The following PSD3 variants were observed in gnomAD, a reference collection of about 807,000 sequenced individuals.
PSD3 encodes the protein PH and SEC7 domain-containing protein 3.
Under a neutral mutation model 105.5 loss-of-function variants are expected in PSD3, and 49 were observed. The ratio of observed to expected loss-of-function variants is 0.46; its 90% CI spans 0.37 to 0.59. The LOEUF (loss-of-function observed/expected upper bound fraction) is 0.59. Ranked by LOEUF, PSD3 falls within the 20% of genes least tolerant of loss-of-function variation. PSD3 has a pLI of 0.00. For missense variants in PSD3, 1,561 were observed against 1,263.8 expected (o/e 1.24, Z -3.57); for synonymous variants, 557 against 457.8 (o/e 1.22, Z -2.77).
chr8:18,774,845 T>C (rs1807885900), intron 8 of PSD3: 1 of 455,956 alleles, frequency 2.2e-6, no homozygotes, highest in South Asian at 1.6e-5. Flanking sequence ...CAGGTCTACC[T>C]TCAGGTTGTC....
At position 18,579,822 on chromosome 8, in the gene PSD3, A is replaced by C. The variant is rs568845766; in HGVS notation, c.2482-4537T>G. ...AAGCATATTAAAGACTCCAGTTTTC[A>C]ATGTACTATTTACTTCATGCCTCAT... On this transcript the variant is annotated intron_variant, in intron 12 of 15. Transcript: ENST00000327040. Among the ~76,000 whole-genome samples the C allele has an allele frequency of 5.3e-5, 8 of 152,312 alleles. No homozygotes were observed. In the South Asian group the frequency reaches 1.7e-3, roughly 32 times the overall value.
At chr8:18,840,204 T>TCC (rs1005224062) in intron 4 of PSD3, among the ~76,000 whole-genome samples, 2 of 152,026 alleles carry the variant, frequency 1.3e-5, no homozygotes, top group Non-Finnish European at 2.9e-5. Context: ...CCTGCAAATG[T>TCC]CCCCCCCACA....
intron 1 of PSD3, among the ~76,000 whole-genome samples, chr8:19,059,555 T>C (rs1357644412): frequency 6.6e-6 from 1 of 152,168 alleles, no homozygotes; most frequent in Non-Finnish European, 1.5e-5. Flanking sequence ...AAGTACTTTA[T>C]TGGGTAACAT....
chr8:18,835,885 G>A (rs1340918240), intron 4 of PSD3, among the ~76,000 whole-genome samples: 5 of 152,164 alleles, frequency 3.3e-5, no homozygotes, highest in Non-Finnish European at 5.9e-5. Flanking sequence ...GTAGATGGGG[G>A]GGCGGATCGT....
intron 14 of PSD3, among the ~76,000 whole-genome samples, chr8:18,558,378 C>CA (rs1463684167): frequency 6.6e-6 from 1 of 151,968 alleles, no homozygotes; most frequent in Non-Finnish European, 1.5e-5. Context: ...TATAAAAAGT[C>CA]ATATTGAATG....
chr8:18,584,866 T>A (rs921247058), intron 12 of PSD3, among the ~76,000 whole-genome samples: 1 of 152,178 alleles, frequency 6.6e-6, no homozygotes, highest in Non-Finnish European at 1.5e-5. Flanking sequence ...TATGGCTTAT[T>A]TTTTCATAAA....
At chr8:18,715,098 G>C (rs1290873027) in intron 9 of PSD3, among the ~76,000 whole-genome samples, 2 of 152,162 alleles carry the variant, frequency 1.3e-5, no homozygotes, top group African/African-American at 4.8e-5. Flanking sequence ...CGTGGACACA[G>C]GGAGGGAAAC....
chr8:19,034,451 G>A (rs905822597), intron 1 of PSD3, among the ~76,000 whole-genome samples: 1 of 152,112 alleles, frequency 6.6e-6, no homozygotes, highest in Non-Finnish European at 1.5e-5. Context: ...TCCAGTTTCT[G>A]CTTCATTACT....
At chr8:18,816,264 C>T (rs945218384) in intron 4 of PSD3, among the ~76,000 whole-genome samples, 1 of 152,188 alleles carries the variant, frequency 6.6e-6, no homozygotes, top group African/African-American at 2.4e-5. Flanking sequence ...TCACTTAATG[C>T]CCTTGACCTT....
intron 2 of PSD3, among the ~76,000 whole-genome samples, chr8:18,920,352 T>G (rs767364609): frequency 7.2e-5 from 11 of 152,192 alleles, no homozygotes; most frequent in Non-Finnish European, 1.3e-4. Flanking sequence ...AAAATTAAAA[T>G]GATTTTCATT....
intron 9 of PSD3, among the ~76,000 whole-genome samples, chr8:18,669,529 A>C (rs900697086): frequency 2.0e-5 from 3 of 152,216 alleles, no homozygotes; most frequent in Admixed American, 6.5e-5. Context: ...AGCCAATTTG[A>C]TAACCAACTT....
At position 18,575,247 on chromosome 8, in the gene PSD3, G is replaced by A; in HGVS notation, c.2520C>T (p.Asp840=). ...GGTGCACACTCACAGCGTTTTTCAAGTCCTCTTCAGACAAGGCCTTTTCTG... is the reference window on the plus strand; with the variant it reads ...GGTGCACACTCACAGCGTTTTTCAAATCCTCTTCAGACAAGGCCTTTTCTG... ...YKPEKALSEE[D]LKNAVSVHHA... Residue 840 remains aspartate, a synonymous_variant, in exon 13 of 16, where the codon GAC becomes GAT. Coordinates refer to ENST00000327040, the MANE Select transcript of PSD3 (RefSeq NM_015310.4). The A allele has an allele frequency of 6.2e-7, 1 of 1,612,824 alleles. No homozygotes were observed. The highest frequency in any genetic ancestry group is 8.5e-7 in the Non-Finnish European group (1 of 1,179,364).
At chr8:18,627,296 T>C (rs148724089) in intron 11 of PSD3, among the ~76,000 whole-genome samples, 80 of 152,080 alleles carry the variant, frequency 5.3e-4, no homozygotes, top group African/African-American at 1.5e-3. Flanking sequence ...TTAGTGATGC[T>C]GAGAGGGCTA....
At chr8:18,932,963 T>C (rs550020276) in intron 2 of PSD3, among the ~76,000 whole-genome samples, 4 of 152,382 alleles carry the variant, frequency 2.6e-5, no homozygotes, top group East Asian at 1.9e-4. Context: ...TGATCATTCT[T>C]CCTTGCTAGT....
chr8:18,774,912 T>C (rs571470441), intron 8 of PSD3: 122 of 456,120 alleles, frequency 2.7e-4, no homozygotes, highest in Admixed American at 4.9e-4. Context: ...GCCTTAATCT[T>C]GGCTACGGCT....
At chr8:19,025,557 C>T (rs1048858401) in intron 1 of PSD3, among the ~76,000 whole-genome samples, 1 of 152,232 alleles carries the variant, frequency 6.6e-6, no homozygotes, top group South Asian at 2.1e-4. Context: ...TGGGCACTGG[C>T]CAGGGTTGAG....
chr8:18,817,789 C>T lies in PSD3; in HGVS notation c.1635-12891G>A, dbSNP rs74560133. 9.4e-3 allele frequency among the ~76,000 whole-genome samples: 1,437 copies of T among 152,278 alleles called. 20 individuals are homozygous for T. Among genetic ancestry groups the T allele is most frequent in the African/African-American group, 0.032 (1,331 of 41,544 alleles). On this transcript the variant is annotated intron_variant, in intron 4 of 15. Transcript: ENST00000327040. Reference sequence around the variant, plus strand: ...TCTCTATGTTGCAGATCTTTTAATGCTTATCCCTTATTGTTGCCAAATGGG... The same window carrying T: ...TCTCTATGTTGCAGATCTTTTAATGTTTATCCCTTATTGTTGCCAAATGGG...
rs541368061 is a variant in PSD3 at position 18,774,550 on chromosome 8, T to C, written c.2083-9012A>G. 182 of 317,656 alleles carry C rather than the reference T, an allele frequency of 5.7e-4. 2 individuals carry two copies. Among genetic ancestry groups the C allele is most frequent in the Middle Eastern group, 1.1e-3 (1 of 898 alleles). 19.7% of individuals were successfully genotyped at this position (317,656 alleles called of 1,614,324 possible). On this transcript the variant is annotated intron_variant, in intron 8 of 15. Coordinates refer to ENST00000327040, the MANE Select transcript of PSD3 (RefSeq NM_015310.4). ...TTGAATTTTGACTCAGCAATGTTCA[T>C]GCCTAGACCTCTTACTTCTGTCGTT...
In PSD3 at chr8:19,061,004, A is replaced by C. The variant is rs538055115; in HGVS notation, c.324+23202T>G. 6.8e-4 allele frequency among the ~76,000 whole-genome samples: 104 copies of C among 152,210 alleles called. 1 individual carries two copies. Among genetic ancestry groups the C allele is most frequent in the African/African-American group, 1.6e-3 (65 of 41,526 alleles). Reference sequence around the variant, plus strand: ...GACTTCTTTCAGCCAGCCACAAAACACAGTGGGGCACATTCATTAGCCAGG... The same window carrying C: ...GACTTCTTTCAGCCAGCCACAAAACCCAGTGGGGCACATTCATTAGCCAGG... On this transcript the variant is annotated intron_variant, in intron 1 of 1. Coordinates refer to the PSD3 transcript ENST00000521475.
Sources: allele counts gnomAD v4.1 joint callset (sites outside exome capture counted in the v4.1 genomes callset), GRCh38; gene constraint gnomAD v4.1.1; transcripts MANE v1.5; gene names NCBI Gene and HGNC (gene_info 2026-07-23, HGNC 2026-07-21).